PDE11A: variants seen among roughly 807,000 people sequenced by gnomAD.
PDE11A encodes phosphodiesterase 11A, also known as dual 3',5'-cyclic-AMP and -GMP phosphodiesterase 11A.
Under a neutral mutation model 100.5 loss-of-function variants are expected in PDE11A, and 100 were observed. The ratio of observed to expected loss-of-function variants is 1.00; its 90% confidence interval spans 0.85 to 1.18. The LOEUF is 1.18. Among genes scored for constraint, PDE11A ranks in the 50% most tolerant of loss-of-function variants. PDE11A has a pLI of 0.00. For synonymous variants in PDE11A, 381 were observed against 420.8 expected (o/e 0.91, Z 1.16); for missense variants, 1,141 against 1,152.6 (o/e 0.99, Z 0.15).
rs952028280 is a variant in PDE11A at position 177,772,782 on chromosome 2, A to G, written c.1738-3409T>C. Among the ~76,000 whole-genome samples the G allele has an allele frequency of 5.9e-5, 9 of 151,762 alleles. 1 individual carries two copies. In the East Asian group the frequency reaches 1.7e-3, roughly 29 times the overall value. On this transcript the variant is annotated intron_variant, in intron 9 of 19. Transcript: ENST00000286063. The stretch of plus-strand genomic sequence containing the variant: ...TGAAACAGTGAAGCAGACAATTATT[A>G]CAGATTAAGACTTTTGCTCATTTAA...
chr2:177,908,047 G>C (rs962282844), intron 2 of PDE11A, among the ~76,000 whole-genome samples: 1 of 152,166 alleles, frequency 6.6e-6, no homozygotes, highest in Admixed American at 6.5e-5. Flanking sequence ...TCTTAACAAT[G>C]TCACCTAGAT....
chr2:177,969,068 C>G (rs2085735436), intron 2 of PDE11A, among the ~76,000 whole-genome samples: 1 of 152,132 alleles, frequency 6.6e-6, no homozygotes, highest in Non-Finnish European at 1.5e-5. Flanking sequence ...CACATATACA[C>G]CATGGAATAC....
chr2:177,709,689 A>G (rs1484391524), intron 13 of PDE11A, among the ~76,000 whole-genome samples: 2 of 152,214 alleles, frequency 1.3e-5, no homozygotes, highest in Admixed American at 6.5e-5. Context: ...GCAGAGGGAC[A>G]GAGGCCTGAA....
chr2:177,635,094 G>GT (rs1439589822), intron 19 of PDE11A, among the ~76,000 whole-genome samples: 1 of 152,218 alleles, frequency 6.6e-6, no homozygotes, highest in Non-Finnish European at 1.5e-5. Flanking sequence ...TTCAGAGGCA[G>GT]TGCGTGCACA....
chr2:178,087,133 G>A (rs527499338), intron 2 of PDE11A, among the ~76,000 whole-genome samples: 2 of 152,076 alleles, frequency 1.3e-5, no homozygotes, highest in Non-Finnish European at 2.9e-5. Flanking sequence ...TCAGGAGTTC[G>A]AAACCAGCCT....
chr2:177,769,500 G>T, intron 9 of PDE11A, 127 bp from the exon 10 acceptor site: 1 of 657,066 alleles, frequency 1.5e-6, no homozygotes, highest in Non-Finnish European at 2.7e-6. Context: ...TTTAATGTAT[G>T]ACAAGAAACA....
intron 10 of PDE11A, among the ~76,000 whole-genome samples, chr2:177,730,520 T>C (rs1350319906): frequency 6.6e-6 from 1 of 152,014 alleles, no homozygotes; most frequent in Non-Finnish European, 1.5e-5. Context: ...TTTATTTTCT[T>C]TTTCTTACAT....
intron 10 of PDE11A, among the ~76,000 whole-genome samples, chr2:177,762,013 G>C (rs1234406623): frequency 1.3e-5 from 2 of 152,174 alleles, no homozygotes; most frequent in Non-Finnish European, 2.9e-5. Flanking sequence ...TCAACAGCAG[G>C]AGGCGGGAAC....
intron 1 of PDE11A, among the ~76,000 whole-genome samples, chr2:178,028,461 G>A (rs937367753): frequency 9.2e-5 from 14 of 152,284 alleles, no homozygotes; most frequent in East Asian, 1.9e-4. Flanking sequence ...AAATACAAGC[G>A]TGCCTTTTCC....
chr2:177,699,968 G>A (rs2081173165), intron 14 of PDE11A, among the ~76,000 whole-genome samples: 1 of 152,154 alleles, frequency 6.6e-6, no homozygotes, highest in Admixed American at 6.5e-5. Context: ...GTTTGTCAGA[G>A]GTGTATACTC....
intron 2 of PDE11A, among the ~76,000 whole-genome samples, chr2:178,098,890 T>C (rs937216553): frequency 5.3e-5 from 8 of 152,210 alleles, no homozygotes; most frequent in Admixed American, 4.6e-4. Flanking sequence ...CCTAATAAGA[T>C]AGTTTAGCTA....
intron 2 of PDE11A, among the ~76,000 whole-genome samples, chr2:177,933,119 A>G (rs977736442): frequency 2.0e-5 from 3 of 151,960 alleles, no homozygotes; most frequent in Non-Finnish European, 4.4e-5. Context: ...ACATCTAACC[A>G]AGGAGGTGAA....
intron 9 of PDE11A, among the ~76,000 whole-genome samples, chr2:177,784,358 TTTACAA>T (rs1424714774): frequency 6.6e-6 from 1 of 151,674 alleles, no homozygotes; most frequent in East Asian, 1.9e-4. Context: ...ATCATAACAG[TTTACAA>T]TTACAATTAC....
chr2:178,028,782 A>G (rs2086509505), intron 1 of PDE11A, among the ~76,000 whole-genome samples: 1 of 152,224 alleles, frequency 6.6e-6, no homozygotes, highest in East Asian at 1.9e-4. Context: ...AAGATCTGAT[A>G]TATCGGCTAG....
chr2:177,725,443 CGTT>C (rs1313028410), intron 12 of PDE11A, among the ~76,000 whole-genome samples: 1 of 152,100 alleles, frequency 6.6e-6, no homozygotes, highest in Non-Finnish European at 1.5e-5. Flanking sequence ...AACAAAATAA[CGTT>C]GTATTCTTTC....
chr2:177,819,574 G>T (rs1386259349), intron 7 of PDE11A, among the ~76,000 whole-genome samples: 1 of 151,994 alleles, frequency 6.6e-6, no homozygotes, highest in African/African-American at 2.4e-5. Context: ...AGAAGGAAAG[G>T]AGAATGGAGG....
chr2:178,075,793 C>T (rs1328466103), upstream of PDE11A, among the ~76,000 whole-genome samples: 1 of 152,056 alleles, frequency 6.6e-6, no homozygotes, highest in Non-Finnish European at 1.5e-5. Context: ...ATTCTTGGCC[C>T]TATATGGAAA....
intron 10 of PDE11A, among the ~76,000 whole-genome samples, chr2:177,761,721 G>A (rs73030362): frequency 0.012 from 1,888 of 152,268 alleles, 37 homozygotes; most frequent in African/African-American, 0.043. Flanking sequence ...ATACAGATAG[G>A]GAGAAGGATG....
chr2:177,763,998 G>T (rs964586912), intron 10 of PDE11A, among the ~76,000 whole-genome samples: 1 of 152,234 alleles, frequency 6.6e-6, no homozygotes, highest in Non-Finnish European at 1.5e-5. Context: ...AGCTGTAAAG[G>T]CAGTCTTGAG....
Sources: allele counts gnomAD v4.1 joint callset (sites outside exome capture counted in the v4.1 genomes callset), GRCh38; gene constraint gnomAD v4.1.1; transcripts MANE v1.5; gene names NCBI Gene and HGNC (gene_info 2026-07-23, HGNC 2026-07-21).